HERC4: variants seen among roughly 807,000 people sequenced by gnomAD.
HERC4 encodes the protein probable E3 ubiquitin-protein ligase HERC4.
Under a neutral mutation model 124.3 loss-of-function variants are expected in HERC4, and 28 were observed. That is an observed-to-expected ratio of 0.23 (90% CI 0.17 to 0.31). The LOEUF (loss-of-function observed/expected upper bound fraction) is 0.31. Ranked by LOEUF, HERC4 falls within the 10% of genes least tolerant of loss-of-function variation. The pLI is 1.00. For missense variants in HERC4, 713 were observed against 1,229.3 expected, an observed-to-expected ratio of 0.58 and a Z score of 6.28; for synonymous variants, 407 against 421.5, an observed-to-expected ratio of 0.97 and a Z score of 0.42.
intron 9 of HERC4, among the ~76,000 whole-genome samples, chr10:68,011,773 C>G (rs911236174): frequency 6.6e-6 from 1 of 152,186 alleles, no homozygotes; most frequent in Non-Finnish European, 1.5e-5. Flanking sequence ...GCACTGGCTT[C>G]AACCTAAAGT....
At chr10:67,960,777 A>G (rs1173161538) in intron 16 of HERC4, 3 of 233,078 alleles carry the variant, frequency 1.3e-5, no homozygotes, top group Non-Finnish European at 2.5e-5. Flanking sequence ...TAGCCTTTCT[A>G]GAACTACTAC....
At chr10:68,039,455 C>A (rs1223840005) in intron 4 of HERC4, 12 of 1,550,610 alleles carry the variant, frequency 7.7e-6, no homozygotes, top group Non-Finnish European at 1.0e-5. Context: ...AAATTCTGAC[C>A]AGAGAGTCGA....
chr10:68,008,993 G>A (rs2037761122), intron 9 of HERC4, among the ~76,000 whole-genome samples: 1 of 152,050 alleles, frequency 6.6e-6, no homozygotes, highest in African/African-American at 2.4e-5. Context: ...GGCCAAGGTG[G>A]GCAGATCAAA....
At chr10:68,042,145 A>C (rs1345404653) in intron 4 of HERC4, among the ~76,000 whole-genome samples, 1 of 152,152 alleles carries the variant, frequency 6.6e-6, no homozygotes, top group Non-Finnish European at 1.5e-5. Context: ...CCTCCTGAGT[A>C]GCTGGGATTA....
At chr10:68,059,838 T>G (rs1159043944) in intron 3 of HERC4, among the ~76,000 whole-genome samples, 1 of 54,520 alleles carries the variant, frequency 1.8e-5, no homozygotes, top group Non-Finnish European at 2.4e-5. Context: ...TATTATATAT[T>G]ATAATATATT....
chr10:67,946,780 A>G (rs1252716705), intron 19 of HERC4, among the ~76,000 whole-genome samples: 2 of 152,024 alleles, frequency 1.3e-5, no homozygotes. Context: ...GGTGGCACAC[A>G]CCTGTAGTCC....
intron 21 of HERC4, among the ~76,000 whole-genome samples, chr10:67,938,214 G>A (rs962549738): frequency 1.3e-5 from 2 of 151,490 alleles, no homozygotes; most frequent in African/African-American, 2.4e-5. Flanking sequence ...AGGCTAACGC[G>A]GGCAGATCAC....
chr10:68,047,807 T>C (rs1364365278), intron 3 of HERC4, among the ~76,000 whole-genome samples: 1 of 152,216 alleles, frequency 6.6e-6, no homozygotes, highest in Non-Finnish European at 1.5e-5. Context: ...ACAGCCACTT[T>C]GGAAAACAGT....
chr10:67,976,795 C>T (rs1350158031), intron 15 of HERC4, among the ~76,000 whole-genome samples: 1 of 152,130 alleles, frequency 6.6e-6, no homozygotes, highest in Non-Finnish European at 1.5e-5. Flanking sequence ...TGCCCTGTTA[C>T]AGCAAAAAGT....
intron 15 of HERC4, among the ~76,000 whole-genome samples, chr10:67,968,307 AAAATAAATAAAT>A (rs917920226): frequency 2.0e-5 from 3 of 152,152 alleles, no homozygotes; most frequent in African/African-American, 7.2e-5. Context: ...AGACCTGCTA[AAAATAAATAAAT>A]AAATAAATAA....
intron 8 of HERC4, among the ~76,000 whole-genome samples, chr10:68,015,650 C>T (rs1173331087): frequency 2.0e-5 from 3 of 152,140 alleles, no homozygotes; most frequent in African/African-American, 7.2e-5. Context: ...TAGATTACTA[C>T]CCTCCCTCAG....
intron 3 of HERC4, among the ~76,000 whole-genome samples, chr10:68,057,942 C>T (rs1324189766): frequency 6.6e-6 from 1 of 152,114 alleles, no homozygotes; most frequent in Non-Finnish European, 1.5e-5. Context: ...CTCAGGCAAT[C>T]CGCCTGCCTT....
intron 19 of HERC4, among the ~76,000 whole-genome samples, chr10:67,945,594 G>A (rs183004760): frequency 1.4e-5 from 2 of 147,668 alleles, no homozygotes; most frequent in African/African-American, 4.8e-5. Context: ...CCCATATCTT[G>A]AGTATAAAGA....
intron 3 of HERC4, among the ~76,000 whole-genome samples, chr10:68,070,962 T>C (rs776751227): frequency 1.1e-4 from 17 of 152,246 alleles, no homozygotes; most frequent in Non-Finnish European, 2.4e-4. Context: ...TCAAAGTGCA[T>C]GGCACATCAT....
At chr10:67,978,729 A>C (rs2035749909) in intron 15 of HERC4, among the ~76,000 whole-genome samples, 1 of 152,190 alleles carries the variant, frequency 6.6e-6, no homozygotes, top group African/African-American at 2.4e-5. Context: ...GCATCGCCAC[A>C]GGGGTGCTTG....
chr10:68,010,641 T>C, intron 9 of HERC4: 4 of 1,443,056 alleles, frequency 2.8e-6, no homozygotes, highest in South Asian at 2.4e-5. Context: ...ATTTTCATTG[T>C]TGTCGGCTTC....
At position 67,938,272 on chromosome 10, in the gene HERC4, C is replaced by T. The variant is rs531217766; in HGVS notation, c.2571+1316G>A. ...CCTGGCCAACATGGTGAAACCTCAT[C>T]TCTACTAAAAATACAAAAATTAGCT... On this transcript the variant is annotated intron_variant, in intron 21 of 24. Coordinates refer to ENST00000373700, the MANE Select transcript of HERC4 (RefSeq NM_015601.4). Among the ~76,000 whole-genome samples the T allele has an allele frequency of 1.1e-4, 16 of 151,664 alleles. No individual in the cohort carries two copies. The South Asian group carries it at 3.1e-3, about 30-fold the overall frequency.
At chr10:67,924,498 G>A (rs1323081562) in intron 24 of HERC4, among the ~76,000 whole-genome samples, 1 of 152,118 alleles carries the variant, frequency 6.6e-6, no homozygotes, top group Non-Finnish European at 1.5e-5. Context: ...TAACATAACA[G>A]TAGGTATTTG....
At position 67,925,154 on chromosome 10, in the gene HERC4, G is replaced by A; in HGVS notation, c.2872C>T (p.His958Tyr). 1.9e-6 allele frequency: 3 copies of A among 1,603,614 alleles called. No homozygotes were observed. Among genetic ancestry groups the A allele is most frequent in the Non-Finnish European group, 2.6e-6 (3 of 1,170,818 alleles). ...TEYKGEYWAE[H>Y]PTIKIFWEVF... is the part of the protein sequence containing the mutation. ...TCCCAAAAAATTTTTATCGTAGGAT[G>A]TTCTGCCCAATATTCCCCTTTGTAT... Residue 958 changes from histidine (H) to tyrosine (Y), a missense_variant, in exon 24 of 25, where the codon CAT becomes TAT. Physicochemically the swap from His to Tyr is moderately conservative, Grantham distance 83. Coordinates refer to ENST00000373700, the MANE Select transcript of HERC4 (RefSeq NM_015601.4).
Sources: allele counts gnomAD v4.1 joint callset (sites outside exome capture counted in the v4.1 genomes callset), GRCh38; gene constraint gnomAD v4.1.1; transcripts MANE v1.5; gene names NCBI Gene and HGNC (gene_info 2026-07-23, HGNC 2026-07-21).